Variants in HK2 observed in about 807,000 individuals in gnomAD.
HK2 encodes the protein hexokinase-2.
HK2 carries 42 observed loss-of-function variants against 92.9 expected under a neutral mutation model. The ratio of observed to expected loss-of-function variants is 0.45; its 90% confidence interval spans 0.35 to 0.58. The LOEUF (loss-of-function observed/expected upper bound fraction) is 0.58. HK2 is among the 20% of genes least tolerant of loss of function. The pLI is 0.00. For synonymous variants in HK2, 422 were observed against 468.0 expected (o/e 0.90, Z 1.27); for missense variants, 978 against 1,245.1 (o/e 0.79, Z 3.23).
chr2:74,847,362 C>G (rs1008014533), intron 1 of HK2, among the ~76,000 whole-genome samples: 1 of 152,072 alleles, frequency 6.6e-6, no homozygotes, highest in Non-Finnish European at 1.5e-5. Context: ...CGAGAGTCAT[C>G]AAACTGGCGA....
chr2:74,873,734 GGAGA>G, intron 5 of HK2, 106 bp from the exon 6 acceptor site: 2 of 715,288 alleles, frequency 2.8e-6, no homozygotes, highest in Non-Finnish European at 2.5e-6. Context: ...GAGGGAGGGG[GGAGA>G]GAGAGAGAAG....
chr2:74,847,974 C>G (rs28362968), intron 1 of HK2, among the ~76,000 whole-genome samples: 1,816 of 152,258 alleles, frequency 0.012, 30 homozygotes, highest in African/African-American at 0.041. Flanking sequence ...TAGAACTAAA[C>G]CTATGAAGCA....
chr2:74,848,740 T>C (rs908072629), intron 1 of HK2, among the ~76,000 whole-genome samples: 1 of 152,198 alleles, frequency 6.6e-6, no homozygotes, highest in South Asian at 2.1e-4. Context: ...GTCTTCTGGA[T>C]GTAAATAATT....
At chr2:74,860,382 C>T (rs1375588877) in intron 2 of HK2, among the ~76,000 whole-genome samples, 1 of 152,162 alleles carries the variant, frequency 6.6e-6, no homozygotes, top group African/African-American at 2.4e-5. Context: ...ACCATCACCC[C>T]AGAAAGTTAC....
In HK2 at chr2:74,834,742, A is replaced by C. The variant is rs540299804; in HGVS notation, c.63+99A>C. 6.3e-5 allele frequency: 86 copies of C among 1,362,644 alleles called. No homozygotes were observed. The South Asian group carries it at 8.4e-4, about 13-fold the overall frequency. 84.4% of individuals were successfully genotyped at this position (1,362,644 alleles called of 1,614,324 possible). A position where few individuals can be genotyped will look rare whatever the true frequency, so the allele number is the denominator to read the frequency against. ...CCCTGCGGGGACCCGCTTCCTCCCT[A>C]CTCCGGGCCTGGGAGCGGAAAAAGT... On this transcript the variant is annotated intron_variant, in intron 1 of 17. Transcript: ENST00000290573. The surrounding 1 kb of genome is among the most constrained non-coding windows in gnomAD (Gnocchi z 4.2).
At chr2:74,843,003 TGCTG>T (rs1688352568) in intron 1 of HK2, among the ~76,000 whole-genome samples, 3 of 152,234 alleles carry the variant, frequency 2.0e-5, no homozygotes, top group Admixed American at 2.0e-4. Context: ...CATATTCTTC[TGCTG>T]TGGAGTTTGT....
intron 10 of HK2, among the ~76,000 whole-genome samples, 154 bp from the exon 11 acceptor site, chr2:74,881,557 A>T (rs1689392398): frequency 6.6e-6 from 1 of 152,158 alleles, no homozygotes; most frequent in Non-Finnish European, 1.5e-5. Context: ...TCCTTCAGGG[A>T]GCTGGACTCT....
At chr2:74,863,722 A>C (rs1041905034) in intron 2 of HK2, among the ~76,000 whole-genome samples, 1 of 152,198 alleles carries the variant, frequency 6.6e-6, no homozygotes, top group African/African-American at 2.4e-5. Context: ...AAGGAAAAAA[A>C]CAAGATCCCC....
rs973734445 is a variant in HK2, at chr2:74,840,858, G to A, written c.63+6215G>A. ...CGCACCAATGCACTCCAGCCTGGGC[G>A]ACAGAGCAAGACTCTGTCTCAAAAA... On this transcript the variant is annotated intron_variant, in intron 1 of 17. Coordinates refer to ENST00000290573, the MANE Select transcript of HK2 (RefSeq NM_000189.5). Among the ~76,000 whole-genome samples, 6 of 125,926 alleles carry A rather than the reference G, an allele frequency of 4.8e-5. No homozygotes were observed. The South Asian group carries it at 1.3e-3, about 28-fold the overall frequency. The allele number at this position is 125,926 out of a possible 152,430, so 82.6% of individuals were successfully genotyped here. A position where few individuals can be genotyped will look rare whatever the true frequency, so the allele number is the denominator to read the frequency against.
At chr2:74,867,974 A>G (rs1055655725) in intron 3 of HK2, 190 bp downstream of exon 3, 1 of 650,568 alleles carries the variant, frequency 1.5e-6, no homozygotes, top group Non-Finnish European at 2.8e-6. Flanking sequence ...TATACCCAAC[A>G]TGTACTCAGT....
chr2:74,870,885 A>G (rs1281458306), intron 3 of HK2, among the ~76,000 whole-genome samples: 4 of 152,192 alleles, frequency 2.6e-5, no homozygotes, highest in African/African-American at 9.7e-5. Context: ...GGGATCAGAC[A>G]GAGGGACAGA....
rs780432817 is a variant in HK2, at chr2:74,854,431, G to T, written c.202G>T (p.Val68Leu). 1 of 1,614,216 alleles carries T rather than the reference G, an allele frequency of 6.2e-7. No homozygotes were observed. The highest frequency in any genetic ancestry group is 8.5e-7 in the Non-Finnish European group (1 of 1,180,028). Residue 68 changes from valine to leucine, a missense_variant, in exon 2 of 18, where the codon GTG becomes TTG. Around this residue, in one of 3 missense-constraint regions of HK2, gnomAD observed 189 missense variants for 289.5 expected, o/e 0.65. Transcript: ENST00000290573. Reference sequence around the variant, plus strand: ...AGCAGTGAAGATGCTGCCCACCTTTGTGAGGTCCACTCCAGATGGGACAGG... The same window carrying T: ...AGCAGTGAAGATGCTGCCCACCTTTTTGAGGTCCACTCCAGATGGGACAGG... ...TAAVKMLPTF[V>L]RSTPDGTEHG...
chr2:74,867,530 G>C, intron 2 of HK2, 106 bp from the exon 3 acceptor site: 1 of 1,220,516 alleles, frequency 8.2e-7, no homozygotes, highest in South Asian at 1.2e-5. Context: ...CCCACTGGCC[G>C]CCCCTTACCC....
At chr2:74,842,049 T>TCTAC (rs1214171791) in intron 1 of HK2, among the ~76,000 whole-genome samples, 2 of 152,262 alleles carry the variant, frequency 1.3e-5, no homozygotes, top group African/African-American at 4.8e-5. Flanking sequence ...GGTCAGTTAC[T>TCTAC]CTACCTGTCT....
intron 2 of HK2, among the ~76,000 whole-genome samples, chr2:74,860,843 A>G (rs988036340): frequency 1.3e-5 from 2 of 152,218 alleles, no homozygotes; most frequent in Non-Finnish European, 2.9e-5. Context: ...TGAACCATTT[A>G]TACTCCCACT....
chr2:74,866,705 T>C (rs1558796899), intron 2 of HK2, among the ~76,000 whole-genome samples: 1 of 152,176 alleles, frequency 6.6e-6, no homozygotes, highest in East Asian at 1.9e-4. Flanking sequence ...TCCTCTTTCC[T>C]GCTCCCCCAC....
rs779051510 is a variant in HK2, at chr2:74,890,890, G to A, written c.2703G>A (p.Ala901=). ...LQSEDGSGKG[A]ALITAVACRI... ...CAGAGGATGGCAGCGGGAAGGGGGC[G>A]GCGCTCATCACTGCTGTGGCCTGCC... is the stretch of plus-strand genomic sequence containing the variant. The change falls in exon 18 of 18, where the codon GCG becomes GCA. Residue 901 remains alanine, a synonymous_variant. Transcript: ENST00000290573. The A allele has an allele frequency of 2.0e-5, 33 of 1,614,098 alleles. 1 individual carries two copies. The highest frequency in any genetic ancestry group is 1.6e-4 in the South Asian group (15 of 91,082).
chr2:74,844,269 C>T (rs1036130427), intron 1 of HK2, among the ~76,000 whole-genome samples: 1 of 152,152 alleles, frequency 6.6e-6, no homozygotes. Flanking sequence ...AGGATAAGCC[C>T]CAGATCTGGA....
chr2:74,876,654 C>T (rs1689238391), intron 7 of HK2, among the ~76,000 whole-genome samples: 1 of 152,172 alleles, frequency 6.6e-6, no homozygotes, highest in African/African-American at 2.4e-5. Flanking sequence ...GTTGCCCCAT[C>T]ATCCCCTGCC....
Sources: gnomAD v4.1 joint callset for allele counts (sites outside exome capture counted in the v4.1 genomes callset) on GRCh38, gnomAD v4.1.1 for gene constraint, gnomAD v4.1.1 regional missense constraint, Gnocchi (gnomAD v3.1) non-coding constraint, MANE v1.5 for transcripts, NCBI Gene and HGNC (gene_info 2026-07-23, HGNC 2026-07-21) for gene names.